The following TCEA3 variants were observed in gnomAD, a reference collection of about 807,000 sequenced individuals.
TCEA3 encodes transcription elongation factor A3, also known as transcription elongation factor A protein 3.
A neutral mutation model predicts 44.0 loss-of-function variants in TCEA3; 36 were observed. The observed-to-expected ratio is 0.82, with a 90% confidence interval of 0.63 to 1.08. The LOEUF (loss-of-function observed/expected upper bound fraction) is 1.08, where lower values mean the gene tolerates loss of function less well. Among genes scored for constraint, TCEA3 ranks in the 50% least tolerant of loss-of-function variants. The pLI, the probability that TCEA3 is intolerant of heterozygous loss-of-function variation, is 0.00. For missense variants in TCEA3, 392 were observed against 441.2 expected (o/e 0.89, Z 1.00); for synonymous variants, 162 against 159.7 (o/e 1.01, Z -0.11).
intron 3 of TCEA3, 80 bp from the exon 4 acceptor site, chr1:23,417,470 A>C: frequency 6.5e-7 from 1 of 1,528,172 alleles, no homozygotes; most frequent in Admixed American, 2.3e-5. Context: ...GGGAGAGAGC[A>C]AAGGGCAGGG....
intron 5 of TCEA3, among the ~76,000 whole-genome samples, chr1:23,402,156 A>G (rs7412986): frequency 0.04 from 6,094 of 152,252 alleles, 329 homozygotes; most frequent in South Asian, 0.24. Flanking sequence ...CCTGGCCAAC[A>G]TGGCGAAACA....
At chr1:23,386,098 A>G (rs1036693683) in intron 9 of TCEA3, among the ~76,000 whole-genome samples, 1 of 152,226 alleles carries the variant, frequency 6.6e-6, no homozygotes, top group African/African-American at 2.4e-5. Flanking sequence ...TCGTAGACAC[A>G]TAGCAGGGAT....
At chr1:23,395,049 C>T (rs1639175038) in intron 7 of TCEA3, among the ~76,000 whole-genome samples, 1 of 152,272 alleles carries the variant, frequency 6.6e-6, no homozygotes, top group South Asian at 2.1e-4. Flanking sequence ...AAAGAGACTG[C>T]GGAGAATGTG....
intron 9 of TCEA3, 61 bp from the exon 10 acceptor site, chr1:23,384,478 C>T (rs1206183215): frequency 2.6e-6 from 4 of 1,567,930 alleles, no homozygotes; most frequent in East Asian, 2.2e-5. Flanking sequence ...GCCATGGCTC[C>T]CACTGTCTTT....
In TCEA3 at chr1:23,399,101, A is replaced by G. The variant is rs1218225496; in HGVS notation, c.444-1146T>C. 1.9e-4 allele frequency among the ~76,000 whole-genome samples: 26 copies of G among 138,930 alleles called. No individual in the cohort carries two copies. In the Admixed American group the frequency reaches 2.0e-3, roughly 11 times the overall value. 91.1% of individuals were successfully genotyped at this position (138,930 alleles called of 152,430 possible). ...TGCTATAATCTATGATGTACTATCT[A>G]AGAATTATCTCATTCAGGTTTTGTT... is the stretch of plus-strand genomic sequence containing the variant. On this transcript the variant is annotated intron_variant, in intron 5 of 10. Transcript: ENST00000450454.
chr1:23,388,433 T>G (rs941316380), intron 8 of TCEA3, among the ~76,000 whole-genome samples: 6 of 152,136 alleles, frequency 3.9e-5, no homozygotes, highest in Non-Finnish European at 7.4e-5. Context: ...CCTGACCTTG[T>G]GATCCACCCA....
At chr1:23,382,012 T>G (rs1638683482) in intron 10 of TCEA3, among the ~76,000 whole-genome samples, 1 of 152,014 alleles carries the variant, frequency 6.6e-6, no homozygotes. Context: ...ATTTCACCCT[T>G]ACAATCACTC....
chr1:23,408,109 C>A (rs866144268), intron 5 of TCEA3, among the ~76,000 whole-genome samples: 34 of 152,020 alleles, frequency 2.2e-4, no homozygotes, highest in East Asian at 1.5e-3. Context: ...TTACAGGTGC[C>A]CACCACCATG....
chr1:23,390,203 T>TCA lies in TCEA3; in HGVS notation c.820-2786_820-2785dup, dbSNP rs1357398711. Among the ~76,000 whole-genome samples, 19 of 152,266 alleles carry TCA rather than the reference T, an allele frequency of 1.2e-4. No individual in the cohort carries two copies. In the East Asian group the frequency reaches 3.7e-3, roughly 29 times the overall value. On this transcript the variant is annotated intron_variant, in intron 8 of 10. Transcript: ENST00000450454. ...AAACAGCAGGGCCGGGCGCAGTGGC[T>TCA]CACACATGTAATCCCAGCACTTCAG...
chr1:23,381,520 C>G (rs1405434854), intron 10 of TCEA3, 46 bp from the exon 11 acceptor site: 2 of 780,610 alleles, frequency 2.6e-6, no homozygotes, highest in Admixed American at 1.7e-5. Context: ...TTCTCGGCAT[C>G]CTCCAAGGAG....
chr1:23,397,440 C>T (rs959116815), intron 7 of TCEA3, 105 bp downstream of exon 7: 151 of 1,020,466 alleles, frequency 1.5e-4, no homozygotes, highest in Non-Finnish European at 1.9e-4. Context: ...GGGGCTGTTC[C>T]CGGAGCCCTT....
intron 10 of TCEA3, among the ~76,000 whole-genome samples, chr1:23,383,106 C>T (rs747641714): frequency 8.6e-4 from 130 of 151,890 alleles, no homozygotes; most frequent in Admixed American, 7.9e-4. Context: ...GGTGAAACCC[C>T]GTCTCTACTA....
Position 23,399,136 on chromosome 1 carries a change from GTATATATGTATATATATATATATATA to G in TCEA3, c.444-1207_444-1182del, listed in dbSNP as rs1400801037. On this transcript the variant is annotated intron_variant, in intron 5 of 10. Coordinates refer to ENST00000450454, the MANE Select transcript of TCEA3 (RefSeq NM_003196.3). The stretch of plus-strand genomic sequence containing the variant: ...TCATTCAGGTTTTGTTTATATATAT[GTATATATGTATATATATATATATATA>G]TATATATATATATATATCCATATGT... Among the ~76,000 whole-genome samples the G allele has an allele frequency of 7.0e-4, 41 of 58,682 alleles. 1 individual carries two copies. Among genetic ancestry groups the G allele is most frequent in the African/African-American group, 1.2e-3 (31 of 26,850 alleles). 38.5% of individuals were successfully genotyped at this position (58,682 alleles called of 152,430 possible).
At chr1:23,401,585 C>A (rs915166967) in intron 5 of TCEA3, among the ~76,000 whole-genome samples, 107 of 152,284 alleles carry the variant, frequency 7.0e-4, no homozygotes, top group African/African-American at 2.6e-3. Flanking sequence ...TTCCTGCCCC[C>A]AAGCCTGATC....
chr1:23,417,181 T>G, intron 4 of TCEA3, 68 bp downstream of exon 4: 1 of 1,555,770 alleles, frequency 6.4e-7, no homozygotes, highest in Non-Finnish European at 8.8e-7. Flanking sequence ...TGAGATAATA[T>G]ACACTGAGTT....
Position 23,424,719 on chromosome 1 carries a change from CAA to C in TCEA3, c.-88_-87del. On this transcript the variant is annotated 5_prime_UTR_variant, in exon 1 of 11. Coordinates refer to ENST00000450454, the MANE Select transcript of TCEA3 (RefSeq NM_003196.3). ...AGGAGGCGCGAAGGCGGAGGGCGCG[CAA>C]CCCGCGCGGGCCCCAAACACACACG... 1 of 1,066,024 alleles carries C rather than the reference CAA, an allele frequency of 9.4e-7. No individual in the cohort carries two copies. Among genetic ancestry groups the C allele is most frequent in the Non-Finnish European group, 1.4e-6 (1 of 728,312 alleles). 66.0% of individuals were successfully genotyped at this position (1,066,024 alleles called of 1,614,324 possible).
chr1:23,384,333 T>A lies in TCEA3; in HGVS notation c.1038+13A>T. 3 of 1,613,762 alleles carry A rather than the reference T, an allele frequency of 1.9e-6. No individual in the cohort carries two copies. In the East Asian group the frequency reaches 6.7e-5, roughly 36 times the overall value. On this transcript the variant is annotated intron_variant, in intron 10 of 10. Transcript: ENST00000450454. ...GGATAACAGGGAAGGGGGAAATACA[T>A]AAACATACAGACCTTCCAGCGATTG...
chr1:23,406,077 A>G lies in TCEA3; in HGVS notation c.443+2587T>C, dbSNP rs943587180. ...TGAGATCCACTGGTCTAGAACCAGG[A>G]TGACACTGGAACCACCATTTCTAGG... On this transcript the variant is annotated intron_variant, in intron 5 of 10. Coordinates refer to ENST00000450454, the MANE Select transcript of TCEA3 (RefSeq NM_003196.3). Among the ~76,000 whole-genome samples the G allele has an allele frequency of 4.6e-5, 7 of 152,178 alleles. No individual in the cohort carries two copies. In the East Asian group the frequency reaches 1.2e-3, roughly 25 times the overall value.
At chr1:23,399,148 A>G (rs1438362339) in intron 5 of TCEA3, among the ~76,000 whole-genome samples, 48 of 99,246 alleles carry the variant, frequency 4.8e-4, no homozygotes, top group African/African-American at 2.5e-3. Context: ...ATATATGTAT[A>G]TATATATATA....
Sources: gnomAD v4.1 joint callset for allele counts (sites outside exome capture counted in the v4.1 genomes callset) on GRCh38, gnomAD v4.1.1 for gene constraint, MANE v1.5 for transcripts, NCBI Gene and HGNC (gene_info 2026-07-23, HGNC 2026-07-21) for gene names.